The following NTM variants were observed in gnomAD, a reference collection of about 807,000 sequenced individuals.
The protein encoded by NTM is neurotrimin.
In NTM, 13 loss-of-function variants were observed where a neutral mutation model predicts 42.1. That is an observed-to-expected ratio of 0.31 (90% CI 0.20 to 0.49). The LOEUF (loss-of-function observed/expected upper bound fraction) is 0.49. Ranked by LOEUF, NTM falls within the 20% of genes least tolerant of loss-of-function variation. The pLI, the probability that NTM is intolerant of heterozygous loss-of-function variation, is 0.99. For missense variants in NTM, 373 were observed against 452.8 expected (o/e 0.82, Z 1.60); for synonymous variants, 187 against 179.2 (o/e 1.04, Z -0.35).
At chr11:132,042,298 C>T (rs2135793408) in intron 2 of NTM, among the ~76,000 whole-genome samples, 1 of 152,182 alleles carries the variant, frequency 6.6e-6, no homozygotes, top group South Asian at 2.1e-4. Context: ...GAAGAATGGC[C>T]CCATTTCTAG....
At chr11:131,723,426 G>T (rs1202552441) in intron 1 of NTM, among the ~76,000 whole-genome samples, 1 of 152,248 alleles carries the variant, frequency 6.6e-6, no homozygotes, top group Admixed American at 6.5e-5. Context: ...TTCCTATATG[G>T]TATGTGCAGC....
chr11:131,574,911 G>A (rs909429607), intron 1 of NTM, among the ~76,000 whole-genome samples: 1 of 152,064 alleles, frequency 6.6e-6, no homozygotes, highest in African/African-American at 2.4e-5. Context: ...TATTTGAATA[G>A]CAGCAATCCT....
intron 1 of NTM, among the ~76,000 whole-genome samples, chr11:131,461,374 C>G (rs10791147): frequency 0.32 from 48,302 of 151,978 alleles, 7,765 homozygotes; most frequent in African/African-American, 0.37. Context: ...GTGACTGATA[C>G]CTACCGATAT....
At chr11:132,307,854 C>A (rs371677343) in intron 5 of NTM, 31 bp downstream of exon 5, 2 of 1,607,650 alleles carry the variant, frequency 1.2e-6, no homozygotes, top group East Asian at 2.2e-5. Flanking sequence ...GCGCCCTGCA[C>A]GTGCATCAGG....
intron 1 of NTM, among the ~76,000 whole-genome samples, chr11:131,669,655 T>C (rs2069764678): frequency 6.6e-6 from 1 of 152,110 alleles, no homozygotes; most frequent in Non-Finnish European, 1.5e-5. Context: ...GGCTCTGTCA[T>C]CTCAGGCTGT....
At chr11:131,471,437 C>A (rs1442788945) in intron 1 of NTM, among the ~76,000 whole-genome samples, 1 of 152,162 alleles carries the variant, frequency 6.6e-6, no homozygotes, top group Non-Finnish European at 1.5e-5. Context: ...AGATAGGACA[C>A]CATCATCACA....
chr11:132,179,254 G>T (rs1303526038), intron 3 of NTM, among the ~76,000 whole-genome samples: 1 of 152,144 alleles, frequency 6.6e-6, no homozygotes, highest in Non-Finnish European at 1.5e-5. Context: ...GATTTAAAGG[G>T]CTAAGATAAA....
chr11:131,773,801 G>A (rs901400261), intron 1 of NTM, among the ~76,000 whole-genome samples: 6 of 152,284 alleles, frequency 3.9e-5, no homozygotes, highest in Non-Finnish European at 7.3e-5. Flanking sequence ...TAACCTGACT[G>A]TGTTCCAACT....
At chr11:131,512,391 T>C (rs1248627749) in intron 1 of NTM, among the ~76,000 whole-genome samples, 4 of 152,190 alleles carry the variant, frequency 2.6e-5, no homozygotes, top group African/African-American at 7.2e-5. Flanking sequence ...GTGCTGCCCT[T>C]GCTCTGCCAG....
intron 1 of NTM, among the ~76,000 whole-genome samples, chr11:131,738,449 T>C (rs944451643): frequency 4.6e-5 from 7 of 152,240 alleles, no homozygotes; most frequent in African/African-American, 1.7e-4. Flanking sequence ...AAATGGTCAC[T>C]GTGAATTAGT....
At chr11:132,305,819 G>A (rs2095057040) in intron 4 of NTM, among the ~76,000 whole-genome samples, 1 of 152,174 alleles carries the variant, frequency 6.6e-6, no homozygotes, top group Non-Finnish European at 1.5e-5. Context: ...TGTCTTACTG[G>A]TAGGAACTAT....
chr11:131,859,159 T>C (rs2046379321), intron 1 of NTM, among the ~76,000 whole-genome samples: 1 of 152,206 alleles, frequency 6.6e-6, no homozygotes, highest in African/African-American at 2.4e-5. Flanking sequence ...ACACATCGGG[T>C]GTCTTCCTGG....
intron 1 of NTM, among the ~76,000 whole-genome samples, chr11:131,815,868 G>A (rs918029988): frequency 6.6e-6 from 1 of 152,050 alleles, no homozygotes; most frequent in Non-Finnish European, 1.5e-5. Context: ...GGATTCCAGC[G>A]TGTTGGCAGG....
chr11:131,809,578 G>T (rs1269179221), intron 1 of NTM, among the ~76,000 whole-genome samples: 1 of 152,144 alleles, frequency 6.6e-6, no homozygotes, highest in Non-Finnish European at 1.5e-5. Context: ...CAGGTTTCTG[G>T]ATTCCCTAGA....
At chr11:131,626,675 G>T (rs1348097284) in intron 1 of NTM, among the ~76,000 whole-genome samples, 1 of 152,196 alleles carries the variant, frequency 6.6e-6, no homozygotes, top group Admixed American at 6.5e-5. Context: ...TCAAATGATT[G>T]AACTGGAACC....
At chr11:131,794,983 C>A in intron 1 of NTM, 5 of 985,312 alleles carry the variant, frequency 5.1e-6, no homozygotes, top group Non-Finnish European at 6.0e-6. Flanking sequence ...GGAGGGGCAG[C>A]CTTGGGCAGG....
In NTM at chr11:131,404,372, G is replaced by C. The variant is rs536281777; in HGVS notation, c.82+33484G>C. 9.9e-5 allele frequency among the ~76,000 whole-genome samples: 15 copies of C among 152,184 alleles called. No individual in the cohort carries two copies. The East Asian group carries it at 2.9e-3, about 29-fold the overall frequency. On this transcript the variant is annotated intron_variant, in intron 1 of 8. Transcript: ENST00000683400. ...TGAAATTGTTCCTCTTGGCCTCCCT[G>C]GCATCGCGCCGTCCTGGCTTTCTTC... is the stretch of plus-strand genomic sequence containing the variant.
At chr11:132,220,534 A>G (rs2084933544) in intron 4 of NTM, among the ~76,000 whole-genome samples, 1 of 152,232 alleles carries the variant, frequency 6.6e-6, no homozygotes, top group South Asian at 2.1e-4. Flanking sequence ...TAATGAGTTC[A>G]ATGTGCTGAA....
rs570322942 is a variant in NTM, at chr11:131,626,062, A to AT, written c.82+255179dup. On this transcript the variant is annotated intron_variant, in intron 1 of 8. Coordinates refer to ENST00000683400, the MANE Select transcript of NTM (RefSeq NM_001352005.2). ...CTTTTTTTTGTGAATATATGCCCTT[A>AT]TTTTTATAAGGGATGAGATAAATTC... Among the ~76,000 whole-genome samples, 436 of 152,134 alleles carry AT rather than the reference A, an allele frequency of 2.9e-3. 2 individuals carry two copies. The highest frequency in any genetic ancestry group is 9.9e-3 in the African/African-American group (411 of 41,510).
Sources: allele counts gnomAD v4.1 joint callset (sites outside exome capture counted in the v4.1 genomes callset), GRCh38; gene constraint gnomAD v4.1.1; transcripts MANE v1.5; gene names NCBI Gene and HGNC (gene_info 2026-07-23, HGNC 2026-07-21).